The following PCNT variants were observed in gnomAD, a reference collection of about 807,000 sequenced individuals.
PCNT encodes the protein kendrin.
PCNT carries 319 observed loss-of-function variants against 380.4 expected under a neutral mutation model. The ratio of observed to expected loss-of-function variants is 0.84; its 90% confidence interval spans 0.77 to 0.92. The LOEUF (loss-of-function observed/expected upper bound fraction) is 0.92, where lower values mean the gene tolerates loss of function less well. Ranked by LOEUF, PCNT falls within the 40% of genes least tolerant of loss-of-function variation. The probability of loss-of-function intolerance (pLI) is 0.00; values close to 1 mark genes in which losing one functional copy is unlikely to be tolerated. For missense variants in PCNT, 4,400 were observed against 4,255.3 expected (o/e 1.03, Z -0.95); for synonymous variants, 1,845 against 1,735.2 (o/e 1.06, Z -1.57).
intron 32 of PCNT, among the ~76,000 whole-genome samples, chr21:46,422,697 A>G (rs970157464): frequency 6.6e-6 from 1 of 152,180 alleles, no homozygotes; most frequent in African/African-American, 2.4e-5. Context: ...GTCAAGTGGT[A>G]AACATATTCC....
intron 41 of PCNT, among the ~76,000 whole-genome samples, chr21:46,439,344 G>GT (rs973656852): frequency 1.3e-5 from 2 of 151,764 alleles, no homozygotes; most frequent in Non-Finnish European, 1.5e-5. Flanking sequence ...CACTTTTTGG[G>GT]TTTTTTTTCT....
At chr21:46,367,289 C>G (rs780871291) in intron 15 of PCNT, 150 bp downstream of exon 15, 19 of 633,772 alleles carry the variant, frequency 3.0e-5, no homozygotes, top group Non-Finnish European at 4.1e-5. Flanking sequence ...GTGGGGACTT[C>G]TGGTCTCTTT....
intron 14 of PCNT, among the ~76,000 whole-genome samples, chr21:46,365,386 TGTTCACTGCCGTGGGGTTCTG>T (rs2084873295): frequency 2.1e-5 from 3 of 144,228 alleles, no homozygotes; most frequent in East Asian, 2.2e-4. Context: ...CGTGGGGTTC[TGTTCACTGCCGTGGGGTTCTG>T]ATCACTGCCG....
rs757793925 is a variant in PCNT at position 46,443,815 on chromosome 21, C to G, written c.9706C>G (p.Arg3236Gly). Residue 3236 changes from arginine to glycine, a missense_variant, in exon 45 of 47, where the codon CGA (arginine) becomes GGA (glycine). Arg to Gly is a moderately radical substitution (Grantham distance 125, BLOSUM62 -2). Transcript: ENST00000359568. Reference sequence around the variant, plus strand: ...GTTAAATAATTCTGGGGAAGGGCCCCGAGCACGACAGCCGCAGTCTCCACC... The same window carrying G: ...GTTAAATAATTCTGGGGAAGGGCCCGGAGCACGACAGCCGCAGTCTCCACC... Reference protein sequence around the residue: ...AQGKAPRPGPRARQPQSPPRT... With the variant: ...AQGKAPRPGPGARQPQSPPRT... The G allele has an allele frequency of 1.9e-6, 3 of 1,613,728 alleles. No individual in the cohort carries two copies. Among genetic ancestry groups the G allele is most frequent in the Non-Finnish European group, 2.5e-6 (3 of 1,179,986 alleles).
rs556185042 is a variant in PCNT at position 46,397,733 on chromosome 21, C to T, written c.4446+239C>T. Reference sequence around the variant, plus strand: ...CTTGCCATGCTCCTTCTCACAGTCACGGAGGCGTCACTTGGGGCCCGGGCT... The same window carrying T: ...CTTGCCATGCTCCTTCTCACAGTCATGGAGGCGTCACTTGGGGCCCGGGCT... On this transcript the variant is annotated intron_variant, in intron 22 of 46. Transcript: ENST00000359568. 2.6e-5 allele frequency among the ~76,000 whole-genome samples: 4 copies of T among 152,304 alleles called. No individual in the cohort carries two copies. In the South Asian group the frequency reaches 6.2e-4, roughly 24 times the overall value.
chr21:46,334,114 G>A (rs894769221), intron 2 of PCNT, among the ~76,000 whole-genome samples: 8 of 151,436 alleles, frequency 5.3e-5, no homozygotes, highest in East Asian at 1.9e-4. Flanking sequence ...CTGAGGCAGG[G>A]GAATGGCGTG....
At position 46,363,794 on chromosome 21, in the gene PCNT, G is replaced by C; in HGVS notation, c.2469G>C (p.Gln823His). The change falls in exon 14 of 47, where the codon CAG becomes CAC. Residue 823 changes from glutamine to histidine, a missense_variant. Gln to His is a conservative substitution (Grantham distance 24, BLOSUM62 0). Transcript: ENST00000359568. ...SLTEQQGRLQ[Q>H]LEQDLTSDDA... ...CGGAGCAGCAGGGCCGCCTGCAGCAGCTGGAACAGGACCTCACTTCAGACG... is the reference window on the plus strand; with the variant it reads ...CGGAGCAGCAGGGCCGCCTGCAGCACCTGGAACAGGACCTCACTTCAGACG... The C allele has an allele frequency of 6.2e-7, 1 of 1,613,668 alleles. No homozygotes were observed. The highest frequency in any genetic ancestry group is 8.5e-7 in the Non-Finnish European group (1 of 1,179,738).
At chr21:46,386,056 C>T (rs2147235059) in intron 17 of PCNT, 73 bp downstream of exon 17, 1 of 1,572,114 alleles carries the variant, frequency 6.4e-7, no homozygotes, top group Non-Finnish European at 8.7e-7. Context: ...TGCCATTGGT[C>T]CCCACGGCTC....
Position 46,346,177 on chromosome 21 carries a change from G to A in PCNT, c.689G>A (p.Arg230His), listed in dbSNP as rs1368962251. Reference sequence around the variant, plus strand: ...GCCATTACTGACCTGGAGAGCGGCCGTGAAGATGAGGCTGGCCTGCATCAG... The same window carrying A: ...GCCATTACTGACCTGGAGAGCGGCCATGAAGATGAGGCTGGCCTGCATCAG... ...ELAITDLESG[R>H]EDEAGLHQSQ... The change falls in exon 4 of 47, where the codon CGT becomes CAT. Residue 230 changes from arginine to histidine, a missense_variant. Physicochemically the swap from Arg to His is conservative, Grantham distance 29. Coordinates refer to ENST00000359568, the MANE Select transcript of PCNT (RefSeq NM_006031.6). 12 of 1,612,764 alleles carry A rather than the reference G, an allele frequency of 7.4e-6. No individual in the cohort carries two copies. Among genetic ancestry groups the A allele is most frequent in the South Asian group, 4.4e-5 (4 of 91,052 alleles).
At chr21:46,418,368 C>A in intron 31 of PCNT, 62 bp downstream of exon 31, 1 of 983,790 alleles carries the variant, frequency 1.0e-6, no homozygotes, top group Non-Finnish European at 1.6e-6. Flanking sequence ...ACAGAATAGT[C>A]AAAAGAATTC....
chr21:46,347,461 G>C lies in PCNT; in HGVS notation c.981G>C (p.Glu327Asp). 6.2e-7 allele frequency: 1 copy of C among 1,614,140 alleles called. No homozygotes were observed. The highest frequency in any genetic ancestry group is 8.5e-7 in the Non-Finnish European group (1 of 1,180,028). The change falls in exon 6 of 47, where the codon GAG becomes GAC. Residue 327 changes from glutamate (E) to aspartate (D), a missense_variant. Glu to Asp is a conservative substitution (Grantham distance 45, BLOSUM62 2). Coordinates refer to ENST00000359568, the MANE Select transcript of PCNT (RefSeq NM_006031.6). ...VVLRCGQEAA[E>D]LKEKLQSEME... ...TGCTTTTTGTTTTTCTTGCAGCTGA[G>C]CTGAAGGAGAAGTTACAATCAGAAA...
intron 36 of PCNT, 123 bp downstream of exon 36, chr21:46,430,355 G>T: frequency 7.3e-7 from 1 of 1,376,164 alleles, no homozygotes. Context: ...GGGGCACCGC[G>T]CCCTGCTGTC....
rs138255761 is a variant in PCNT at position 46,437,680 on chromosome 21, G to A, written c.9100-484G>A. Among the ~76,000 whole-genome samples, 246 of 152,304 alleles carry A rather than the reference G, an allele frequency of 1.6e-3. 2 individuals carry two copies. The highest frequency in any genetic ancestry group is 5.6e-3 in the African/African-American group (233 of 41,566). On this transcript the variant is annotated intron_variant, in intron 40 of 46. Coordinates refer to ENST00000359568, the MANE Select transcript of PCNT (RefSeq NM_006031.6). ...TTTATGAAATCATGACTTTGATCGT[G>A]GAGCCCACGCATGTGAGGTGCAGGG...
intron 1 of PCNT, chr21:46,324,843 C>T: frequency 2.0e-6 from 2 of 983,896 alleles, no homozygotes; most frequent in Non-Finnish European, 2.4e-6. Flanking sequence ...CAGGGTGCGC[C>T]TTCGCCTCGT....
At chr21:46,396,942 C>G (rs1055695751) in intron 21 of PCNT, among the ~76,000 whole-genome samples, 11 of 152,116 alleles carry the variant, frequency 7.2e-5, no homozygotes, top group Non-Finnish European at 1.5e-4. Context: ...GTTTGCCTTT[C>G]CCCTAGACAC....
rs1038368172 is a variant in PCNT, at chr21:46,443,932, C to T, written c.9823C>T (p.Pro3275Ser). The T allele has an allele frequency of 1.2e-6, 2 of 1,612,326 alleles. No homozygotes were observed. The highest frequency in any genetic ancestry group is 2.1e-4 in the Middle Eastern group (1 of 4,774). The change falls in exon 45 of 47, where the codon CCA becomes TCA. Residue 3275 changes from proline (P) to serine (S), a missense_variant. Physicochemically the swap from Pro to Ser is moderately conservative, Grantham distance 74 (BLOSUM62 -1). Transcript: ENST00000359568. ...RGRRLAAAAS[P>S]HSGGRATPSP... ...CCGCAGACTGGCAGCAGCAGCCTCC[C>T]CACACAGTGGGGGAAGGTCAGTGTG... is the stretch of plus-strand genomic sequence containing the variant.
intron 16 of PCNT, among the ~76,000 whole-genome samples, chr21:46,382,167 G>GTGC (rs1285532595): frequency 2.8e-5 from 4 of 141,736 alleles, no homozygotes; most frequent in African/African-American, 5.2e-5. Flanking sequence ...TCATAGTGTA[G>GTGC]ATTCAGTGGC....
intron 2 of PCNT, among the ~76,000 whole-genome samples, chr21:46,332,753 C>T (rs185514686): frequency 6.6e-6 from 1 of 152,350 alleles, no homozygotes; most frequent in Admixed American, 6.5e-5. Flanking sequence ...GAAAAGTCGA[C>T]ACTGTCATGT....
At chr21:46,375,773 TC>T (rs1416060504) in intron 15 of PCNT, among the ~76,000 whole-genome samples, 1 of 152,170 alleles carries the variant, frequency 6.6e-6, no homozygotes. Context: ...CTGGGGGCTG[TC>T]CCCCCGCGGG....
Sources: allele counts gnomAD v4.1 joint callset (sites outside exome capture counted in the v4.1 genomes callset), GRCh38; gene constraint gnomAD v4.1.1; transcripts MANE v1.5; gene names NCBI Gene and HGNC (gene_info 2026-07-23, HGNC 2026-07-21).